The following SORCS3 variants were observed in gnomAD, a reference collection of about 807,000 sequenced individuals.
SORCS3 encodes the protein VPS10 domain-containing receptor SorCS3.
SORCS3 carries 57 observed loss-of-function variants against 146.3 expected under a neutral mutation model. The observed-to-expected ratio is 0.39, with a 90% CI of 0.31 to 0.49. SORCS3 has a LOEUF of 0.49. Among genes scored for constraint, SORCS3 ranks in the 20% least tolerant of loss-of-function variants. The pLI is 0.92. For synonymous variants in SORCS3, 653 were observed against 618.5 expected (o/e 1.06, Z -0.83); for missense variants, 1,341 against 1,575.5 (o/e 0.85, Z 2.52).
At chr10:105,022,902 C>T (rs1391629605) in intron 4 of SORCS3, among the ~76,000 whole-genome samples, 1 of 152,150 alleles carries the variant, frequency 6.6e-6, no homozygotes, top group East Asian at 1.9e-4. Flanking sequence ...TTGATGATCA[C>T]TGAGGCTGTG....
At chr10:105,167,820 G>T (rs1485216078) in intron 13 of SORCS3, among the ~76,000 whole-genome samples, 1 of 152,114 alleles carries the variant, frequency 6.6e-6, no homozygotes, top group African/African-American at 2.4e-5. Context: ...TAGCTTTGAA[G>T]TCATTAACCA....
chr10:104,841,438 T>C (rs2018138397), intron 1 of SORCS3, among the ~76,000 whole-genome samples: 1 of 152,210 alleles, frequency 6.6e-6, no homozygotes, highest in Non-Finnish European at 1.5e-5. Context: ...CCATTGATGA[T>C]GTTTCTTGCC....
intron 7 of SORCS3, among the ~76,000 whole-genome samples, chr10:105,121,593 C>A (rs1272454005): frequency 6.6e-6 from 1 of 152,186 alleles, no homozygotes; most frequent in African/African-American, 2.4e-5. Context: ...GATGTTGCCC[C>A]CATCTTGGTA....
intron 20 of SORCS3, among the ~76,000 whole-genome samples, chr10:105,239,685 A>G (rs2056812110): frequency 6.6e-6 from 1 of 152,202 alleles, no homozygotes; most frequent in Non-Finnish European, 1.5e-5. Flanking sequence ...AGAGAAGTCA[A>G]TCAGCTGCCT....
intron 4 of SORCS3, among the ~76,000 whole-genome samples, chr10:104,996,560 C>A (rs1430567343): frequency 1.3e-5 from 2 of 151,942 alleles, no homozygotes; most frequent in African/African-American, 4.8e-5. Flanking sequence ...ACAATTCAAC[C>A]AACTAAGTTA....
chr10:104,985,219 A>G (rs1262930701), intron 4 of SORCS3, among the ~76,000 whole-genome samples: 1 of 152,180 alleles, frequency 6.6e-6, no homozygotes, highest in Admixed American at 6.6e-5. Context: ...TGGAATATTT[A>G]AAATTCTTTC....
intron 20 of SORCS3, among the ~76,000 whole-genome samples, chr10:105,226,538 C>T (rs1310643795): frequency 6.6e-6 from 1 of 151,850 alleles, no homozygotes; most frequent in Non-Finnish European, 1.5e-5. Context: ...GAGTTCTTGC[C>T]TGGTTTGAGT....
chr10:104,928,967 A>G (rs1170794836), intron 3 of SORCS3, among the ~76,000 whole-genome samples: 2 of 152,178 alleles, frequency 1.3e-5, no homozygotes, highest in South Asian at 4.1e-4. Flanking sequence ...ATCAGAGAGG[A>G]CAGAAGTGTG....
At chr10:105,024,956 C>T (rs1020677214) in intron 4 of SORCS3, among the ~76,000 whole-genome samples, 4 of 152,112 alleles carry the variant, frequency 2.6e-5, no homozygotes, top group Non-Finnish European at 5.9e-5. Flanking sequence ...TTATTTCCCT[C>T]TTGAATTTCT....
At chr10:105,003,396 C>T (rs887433196) in intron 4 of SORCS3, among the ~76,000 whole-genome samples, 3 of 151,996 alleles carry the variant, frequency 2.0e-5, no homozygotes, top group Non-Finnish European at 4.4e-5. Context: ...TCTTGCCTAC[C>T]CTAGATGTGT....
At chr10:104,785,616 A>C (rs1250158678) in intron 1 of SORCS3, among the ~76,000 whole-genome samples, 1 of 152,132 alleles carries the variant, frequency 6.6e-6, no homozygotes, top group Non-Finnish European at 1.5e-5. Context: ...GCTTGCTGTC[A>C]AGCACAAGAG....
intron 1 of SORCS3, among the ~76,000 whole-genome samples, chr10:104,687,425 T>C (rs1245270973): frequency 1.3e-5 from 2 of 152,198 alleles, no homozygotes; most frequent in Non-Finnish European, 2.9e-5. Flanking sequence ...CCTTTAATGA[T>C]GAGCAACATC....
At chr10:105,235,622 T>C (rs1226133160) in intron 20 of SORCS3, among the ~76,000 whole-genome samples, 1 of 152,036 alleles carries the variant, frequency 6.6e-6, no homozygotes, top group Non-Finnish European at 1.5e-5. Context: ...AAATAAATAT[T>C]CAGTTTCTGG....
intron 20 of SORCS3, among the ~76,000 whole-genome samples, chr10:105,233,981 C>T (rs2056779089): frequency 6.6e-6 from 1 of 152,084 alleles, no homozygotes; most frequent in South Asian, 2.1e-4. Flanking sequence ...CTTCATTGTT[C>T]TTTCTTTCTT....
intron 1 of SORCS3, among the ~76,000 whole-genome samples, chr10:104,701,837 T>G (rs2016282491): frequency 6.6e-6 from 1 of 152,088 alleles, no homozygotes; most frequent in East Asian, 1.9e-4. Context: ...GGTAGAAAAA[T>G]TATCCTTTCC....
At chr10:105,207,116 G>A (rs1281192561) in intron 16 of SORCS3, among the ~76,000 whole-genome samples, 33 of 151,970 alleles carry the variant, frequency 2.2e-4, no homozygotes, top group Admixed American at 2.2e-3. Flanking sequence ...TGCTGAACAG[G>A]GATCAGGAGT....
At chr10:105,135,769 C>T (rs531270217) in intron 7 of SORCS3, among the ~76,000 whole-genome samples, 3 of 152,168 alleles carry the variant, frequency 2.0e-5, no homozygotes, top group South Asian at 2.1e-4. Context: ...AGTTTTTTGC[C>T]GCTTTATAGC....
intron 5 of SORCS3, among the ~76,000 whole-genome samples, chr10:105,050,401 T>C (rs554570624): frequency 5.9e-5 from 9 of 152,194 alleles, no homozygotes; most frequent in Admixed American, 2.6e-4. Context: ...GCTACCATGT[T>C]GTTAGCTGCC....
chr10:104,732,235 G>A (rs2016714282), intron 1 of SORCS3, among the ~76,000 whole-genome samples: 1 of 152,188 alleles, frequency 6.6e-6, no homozygotes, highest in Admixed American at 6.5e-5. Context: ...GCAAGAAAGG[G>A]CTTAGGCAAG....
Sources: gnomAD v4.1 joint callset for allele counts (sites outside exome capture counted in the v4.1 genomes callset) on GRCh38, gnomAD v4.1.1 for gene constraint, MANE v1.5 for transcripts, NCBI Gene and HGNC (gene_info 2026-07-23, HGNC 2026-07-21) for gene names.